The following SYNDIG1L variants were observed in gnomAD, a reference collection of about 807,000 sequenced individuals.
The protein encoded by SYNDIG1L is synapse differentiation-inducing gene protein 1-like.
In SYNDIG1L, 13 loss-of-function variants were observed where a neutral mutation model predicts 20.1. The ratio of observed to expected loss-of-function variants is 0.65; its 90% CI spans 0.42 to 1.03. SYNDIG1L has a LOEUF of 1.03. Ranked by LOEUF, SYNDIG1L falls within the 50% of genes least tolerant of loss-of-function variation. The pLI, the probability that SYNDIG1L is intolerant of heterozygous loss-of-function variation, is 0.00. For synonymous variants in SYNDIG1L, 128 were observed against 129.3 expected (o/e 0.99, Z 0.07); for missense variants, 294 against 305.1 (o/e 0.96, Z 0.27).
At chr14:74,453,207 C>T in the SYNDIG1L span, among the ~76,000 whole-genome samples, 2 of 151,496 alleles carry the variant, frequency 1.3e-5, no homozygotes, top group Admixed American at 6.6e-5. Context: ...ATTAGCCAGG[C>T]GTGGTGGCAC....
At chr14:74,446,317 T>A in the SYNDIG1L span, among the ~76,000 whole-genome samples, 1 of 152,160 alleles carries the variant, frequency 6.6e-6, no homozygotes, top group Non-Finnish European at 1.5e-5. Flanking sequence ...GAGATTTCAA[T>A]AATTTAAGCC....
intron 1 of SYNDIG1L, among the ~76,000 whole-genome samples, chr14:74,417,932 C>G (rs2086189824): frequency 6.6e-6 from 1 of 152,136 alleles, no homozygotes; most frequent in South Asian, 2.1e-4. Context: ...CAAATAAATA[C>G]CGAGCCTTTG....
chr14:74,454,766 G>T, the SYNDIG1L span, among the ~76,000 whole-genome samples: 1 of 152,154 alleles, frequency 6.6e-6, no homozygotes, highest in Non-Finnish European at 1.5e-5. Context: ...AGAACCATCC[G>T]ACCCTTCAGA....
the SYNDIG1L span, among the ~76,000 whole-genome samples, chr14:74,456,205 C>T: frequency 3.3e-5 from 5 of 152,286 alleles, no homozygotes; most frequent in South Asian, 8.3e-4. Flanking sequence ...GGTTTTCTCA[C>T]ATATAAAGTG....
chr14:74,460,592 C>T, the SYNDIG1L span, among the ~76,000 whole-genome samples: 5 of 152,184 alleles, frequency 3.3e-5, no homozygotes, highest in East Asian at 1.9e-4. Flanking sequence ...CTTTTCTCCT[C>T]GTATTGACCC....
the SYNDIG1L span, among the ~76,000 whole-genome samples, chr14:74,464,627 C>T: frequency 2.0e-4 from 31 of 152,178 alleles, no homozygotes; most frequent in East Asian, 1.2e-3. Context: ...ATGGGACAAC[C>T]GAAGAGATGA....
At chr14:74,423,227 A>C (rs2139631935) in intron 1 of SYNDIG1L, among the ~76,000 whole-genome samples, 1 of 152,298 alleles carries the variant, frequency 6.6e-6, no homozygotes. Context: ...GCCAGATGTC[A>C]TCTGCCTGGG....
chr14:74,459,488 T>C, the SYNDIG1L span, among the ~76,000 whole-genome samples: 2 of 152,250 alleles, frequency 1.3e-5, no homozygotes, highest in Non-Finnish European at 2.9e-5. Context: ...TGGGCGACAG[T>C]GTGAGATCGT....
At chr14:74,439,863 G>C in the SYNDIG1L span, among the ~76,000 whole-genome samples, 1 of 142,916 alleles carries the variant, frequency 7.0e-6, no homozygotes, top group Non-Finnish European at 1.5e-5. Flanking sequence ...TGGGCAACAA[G>C]AGTGAAACTC....
chr14:74,468,654 C>T, the SYNDIG1L span, among the ~76,000 whole-genome samples: 1 of 152,158 alleles, frequency 6.6e-6, no homozygotes, highest in African/African-American at 2.4e-5. Flanking sequence ...CTGCTGTGTG[C>T]TCAGGTGTGC....
At chr14:74,460,897 G>A in the SYNDIG1L span, among the ~76,000 whole-genome samples, 5,541 of 152,122 alleles carry the variant, frequency 0.036, 364 homozygotes, top group African/African-American at 0.13. Flanking sequence ...TGATCTGCCC[G>A]CCTTGGTGTC....
At chr14:74,471,051 A>G in the SYNDIG1L span, among the ~76,000 whole-genome samples, 2 of 152,198 alleles carry the variant, frequency 1.3e-5, no homozygotes, top group African/African-American at 4.8e-5. Context: ...AAACACAGAT[A>G]ACAATGGAAA....
At chr14:74,464,901 C>T in the SYNDIG1L span, among the ~76,000 whole-genome samples, 1 of 152,178 alleles carries the variant, frequency 6.6e-6, no homozygotes, top group Non-Finnish European at 1.5e-5. Context: ...CCAGAATGCC[C>T]ATGGCAAAGC....
At chr14:74,439,646 C>A in the SYNDIG1L span, among the ~76,000 whole-genome samples, 2 of 151,966 alleles carry the variant, frequency 1.3e-5, no homozygotes, top group African/African-American at 4.8e-5. Context: ...TTTGGGAGGC[C>A]GAGGCAGGCG....
chr14:74,416,376 C>G (rs2086174777), intron 1 of SYNDIG1L, among the ~76,000 whole-genome samples: 1 of 152,070 alleles, frequency 6.6e-6, no homozygotes, highest in Non-Finnish European at 1.5e-5. Context: ...TGGCTCACAT[C>G]TGTAATCAGT....
intron 2 of SYNDIG1L, among the ~76,000 whole-genome samples, chr14:74,408,467 G>T (rs2086102662): frequency 6.6e-6 from 1 of 151,944 alleles, no homozygotes; most frequent in Non-Finnish European, 1.5e-5. Context: ...GGGAGGCTGA[G>T]GCAGGAGAAT....
the SYNDIG1L span, among the ~76,000 whole-genome samples, chr14:74,464,145 A>C: frequency 6.6e-6 from 1 of 152,126 alleles, no homozygotes; most frequent in South Asian, 2.1e-4. Context: ...CCTGCCCTGA[A>C]AGAGGCCAGA....
At position 74,407,660 on chromosome 14, in the gene SYNDIG1L, G is replaced by A; in HGVS notation, c.592C>T (p.Leu198=). 1 of 1,612,470 alleles carries A rather than the reference G, an allele frequency of 6.2e-7. No homozygotes were observed. The highest frequency in any genetic ancestry group is 8.5e-7 in the Non-Finnish European group (1 of 1,179,156). The change falls in exon 4 of 4, where the codon CTG becomes TTG. Residue 198 remains leucine (L), a synonymous_variant. Transcript: ENST00000331628. ...GCCCGGCGGGAGGTGGTGCTGGCCAGGCGGAAGTCCCCTTTGGAGATGGCC... is the reference window on the plus strand; with the variant it reads ...GCCCGGCGGGAGGTGGTGCTGGCCAAGCGGAAGTCCCCTTTGGAGATGGCC... ...SKAISKGDFR[L]ASTTSRRALF...
intron 1 of SYNDIG1L, among the ~76,000 whole-genome samples, chr14:74,419,700 C>T (rs1361102068): frequency 6.6e-6 from 1 of 152,078 alleles, no homozygotes; most frequent in African/African-American, 2.4e-5. Context: ...GATAAGGGAC[C>T]CCTATTGTGG....
Sources: gnomAD v4.1 joint callset for allele counts (sites outside exome capture counted in the v4.1 genomes callset) on GRCh38, gnomAD v4.1.1 for gene constraint, MANE v1.5 for transcripts, NCBI Gene and HGNC (gene_info 2026-07-23, HGNC 2026-07-21) for gene names.